USP42: variants seen among roughly 807,000 people sequenced by gnomAD.
The protein encoded by USP42 is ubiquitin carboxyl-terminal hydrolase 42.
USP42 carries 23 observed loss-of-function variants against 113.0 expected under a neutral mutation model. That is an observed-to-expected ratio of 0.20 (90% CI 0.15 to 0.29). The LOEUF is 0.29. Ranked by LOEUF, USP42 falls within the 10% of genes least tolerant of loss-of-function variation. USP42 has a pLI of 1.00. For synonymous variants in USP42, 933 were observed against 699.0 expected (o/e 1.33, Z -5.28); for missense variants, 2,174 against 1,779.8 (o/e 1.22, Z -3.99).
At chr7:6,105,493 AC>A (rs1427802562) in intron 1 of USP42, among the ~76,000 whole-genome samples, 4 of 33,912 alleles carry the variant, frequency 1.2e-4, no homozygotes, top group Non-Finnish European at 1.8e-4. Context: ...CGTGGCTGCC[AC>A]CTCCCGCCCC....
intron 3 of USP42, among the ~76,000 whole-genome samples, chr7:6,132,523 A>G (rs1040033171): frequency 1.3e-5 from 2 of 150,492 alleles, no homozygotes; most frequent in Non-Finnish European, 3.0e-5. Flanking sequence ...ATGCCCAGGT[A>G]ATTTTTTGGA....
chr7:6,141,185 ATTTTCT>A (rs1281570144), intron 7 of USP42, among the ~76,000 whole-genome samples: 3 of 138,890 alleles, frequency 2.2e-5, no homozygotes, highest in East Asian at 2.0e-4. Context: ...TACTCTTTGA[ATTTTCT>A]TTTTCTTTTC....
the USP42 span, among the ~76,000 whole-genome samples, chr7:6,089,108 G>T: frequency 1.3e-5 from 2 of 150,462 alleles, 1 homozygote; most frequent in African/African-American, 5.0e-5. Flanking sequence ...GAAGTGGTGC[G>T]ATCTCTGTTC....
chr7:6,092,054 T>TTCC, the USP42 span, among the ~76,000 whole-genome samples: 2 of 37,936 alleles, frequency 5.3e-5, no homozygotes, highest in Middle Eastern at 0.022. Flanking sequence ...CTTCTTCTTC[T>TTCC]TTCTTCTTCT....
In USP42 at chr7:6,111,309, G is replaced by T. The variant is rs540786395; in HGVS notation, c.176G>T (p.Gly59Val). Residue 59 changes from glycine (G) to valine (V), a missense_variant, in exon 2 of 18, where the codon GGT (glycine) becomes GTT (valine). Transcript: ENST00000306177. ...NHTLSLGPVP[G>V]AVVYSSSSVP... Reference sequence around the variant, plus strand: ...ACACTTTCTTTAGGACCAGTACCTGGTGCTGTAGTTTATTCGAGTTCATCT... The same window carrying T: ...ACACTTTCTTTAGGACCAGTACCTGTTGCTGTAGTTTATTCGAGTTCATCT... 3.7e-6 allele frequency: 6 copies of T among 1,609,262 alleles called. No homozygotes were observed. Among genetic ancestry groups the T allele is most frequent in the Admixed American group, 3.4e-5 (2 of 58,980 alleles).
chr7:6,113,337 C>T (rs1779703236), intron 2 of USP42, among the ~76,000 whole-genome samples: 1 of 152,142 alleles, frequency 6.6e-6, no homozygotes, highest in Non-Finnish European at 1.5e-5. Context: ...TGGCTTCTCT[C>T]CAGCAGGACT....
chr7:6,139,327 C>T lies in USP42; in HGVS notation c.656+133C>T, dbSNP rs998464732. On this transcript the variant is annotated intron_variant, in intron 5 of 17. Transcript: ENST00000306177. The surrounding 1 kb of genome is among the most constrained non-coding windows in gnomAD (Gnocchi z 4.5). ...GTTCACTTTACCTTTTGGCTTTGCT[C>T]TGCCTCTTCCTTAGGTGATGTGCAT... 8.0e-6 allele frequency: 5 copies of T among 623,504 alleles called. No individual in the cohort carries two copies. The highest frequency in any genetic ancestry group is 7.6e-5 in the African/African-American group (4 of 52,910). The allele number at this position is 623,504 out of a possible 1,614,324, so 38.6% of individuals were successfully genotyped here. A position where few individuals can be genotyped will look rare whatever the true frequency, so the allele number is the denominator to read the frequency against.
intron 3 of USP42, among the ~76,000 whole-genome samples, chr7:6,130,468 T>C (rs1356876141): frequency 6.6e-6 from 1 of 152,130 alleles, no homozygotes; most frequent in Non-Finnish European, 1.5e-5. Context: ...TGGCAGAGTT[T>C]AGAGGTGGCT....
chr7:6,086,196 T>C, the USP42 span, among the ~76,000 whole-genome samples: 2 of 146,668 alleles, frequency 1.4e-5, no homozygotes, highest in African/African-American at 5.3e-5. Flanking sequence ...CCACCTCACC[T>C]GGCTAATTTT....
In USP42 at chr7:6,122,199, A is replaced by G. The variant is rs566772542; in HGVS notation, c.442+6676A>G. Among the ~76,000 whole-genome samples, 3 of 151,576 alleles carry G rather than the reference A, an allele frequency of 2.0e-5. No individual in the cohort carries two copies. The East Asian group carries it at 5.8e-4, about 29-fold the overall frequency. On this transcript the variant is annotated intron_variant, in intron 3 of 17. Transcript: ENST00000306177. The stretch of plus-strand genomic sequence containing the variant: ...GATTTGAGATCTTTCTTCTTTTCCA[A>G]TGTAAGTGTCAAATGCTATAAATTT...
intron 2 of USP42, chr7:6,111,998 GT>G (rs1201467499): frequency 6.6e-6 from 1 of 152,270 alleles, no homozygotes; most frequent in Non-Finnish European, 1.5e-5. Context: ...TTAACCAGTA[GT>G]TATTCTAGTT....
intron 9 of USP42, 54 bp downstream of exon 9, chr7:6,144,250 C>T (rs1220984222): frequency 8.2e-6 from 10 of 1,221,440 alleles, no homozygotes; most frequent in Admixed American, 2.4e-5. Flanking sequence ...CGAAGCTTAA[C>T]GTGTCTGTAG....
chr7:6,104,954 C>G lies in USP42; in HGVS notation c.-88C>G, dbSNP rs1364985326. 6.6e-6 allele frequency: 1 copy of G among 150,696 alleles called. No individual in the cohort carries two copies. The highest frequency in any genetic ancestry group is 1.8e-4 in the South Asian group (1 of 5,660). 9.3% of individuals were successfully genotyped at this position (150,696 alleles called of 1,614,324 possible). ...TGCCCGGATGGAGGCACGTCATTGT[C>G]CCCCGCCGGGCGGCTGGGCTGTGTG... On this transcript the variant is annotated 5_prime_UTR_variant, in exon 1 of 18. Coordinates refer to ENST00000306177, the MANE Select transcript of USP42 (RefSeq NM_032172.3).
intron 3 of USP42, among the ~76,000 whole-genome samples, 190 bp from the exon 4 acceptor site, chr7:6,135,651 C>CAAAAAAAAAAAAAAAAAAAAAAAAAA (rs1173165919): frequency 1.2e-4 from 2 of 16,160 alleles, no homozygotes; most frequent in African/African-American, 3.5e-4. Flanking sequence ...GACTCCATCT[C>CAAAAAAAAAAAAAAAAAAAAAAAAAA]AAAAAAAAAA....
the USP42 span, among the ~76,000 whole-genome samples, chr7:6,086,599 C>T: frequency 0.099 from 14,882 of 150,670 alleles, 972 homozygotes; most frequent in Non-Finnish European, 0.12. Flanking sequence ...ATCCACCCCC[C>T]TCAACCTCCC....
intron 3 of USP42, among the ~76,000 whole-genome samples, chr7:6,131,703 A>G (rs1367697219): frequency 6.6e-6 from 1 of 152,134 alleles, no homozygotes; most frequent in Non-Finnish European, 1.5e-5. Context: ...AAGAAGCACA[A>G]AGAAACCCCA....
At position 6,158,221 on chromosome 7, in the gene USP42, C is replaced by T. The variant is rs562432149; in HGVS notation, c.3943+1166C>T. On this transcript the variant is annotated intron_variant, in intron 16 of 17. Coordinates refer to ENST00000306177, the MANE Select transcript of USP42 (RefSeq NM_032172.3). This position sits in a 1 kb window ranked among gnomAD's most constrained non-coding sequence, Gnocchi z 4.2. ...CCAGGTGCGTTCCCACGCTGTCTGG[C>T]GGCTTCGCTGTCACTGCCTGGCAGA... 1.3e-5 allele frequency among the ~76,000 whole-genome samples: 2 copies of T among 152,246 alleles called. No homozygotes were observed. Among genetic ancestry groups the T allele is most frequent in the Non-Finnish European group, 2.9e-5 (2 of 68,048 alleles).
At chr7:6,120,504 A>G (rs879263314) in intron 3 of USP42, among the ~76,000 whole-genome samples, 2 of 151,062 alleles carry the variant, frequency 1.3e-5, no homozygotes, top group Admixed American at 6.6e-5. Context: ...CGGCCTCCCA[A>G]AGTGCTGGGA....
At chr7:6,135,142 A>G (rs1781060880) in intron 3 of USP42, among the ~76,000 whole-genome samples, 2 of 152,244 alleles carry the variant, frequency 1.3e-5, no homozygotes, top group Non-Finnish European at 2.9e-5. Context: ...AGTGTTTGAG[A>G]TAAATAGTGG....
Sources: allele counts gnomAD v4.1 joint callset (sites outside exome capture counted in the v4.1 genomes callset), GRCh38; gene constraint gnomAD v4.1.1; non-coding constraint Gnocchi (gnomAD v3.1); transcripts MANE v1.5; gene names NCBI Gene and HGNC (gene_info 2026-07-23, HGNC 2026-07-21).